The following ZMIZ1 variants were observed in gnomAD, a reference collection of about 807,000 sequenced individuals.
The protein encoded by ZMIZ1 is zinc finger MIZ-type containing 1, also known as zinc finger MIZ domain-containing protein 1.
Under a neutral mutation model 113.9 loss-of-function variants are expected in ZMIZ1, and 17 were observed. That is an observed-to-expected ratio of 0.15 (90% confidence interval 0.10 to 0.22). ZMIZ1 has a LOEUF of 0.22. Among genes scored for constraint, ZMIZ1 ranks in the 10% least tolerant of loss-of-function variants. The pLI is 1.00. For synonymous variants in ZMIZ1, 607 were observed against 603.1 expected (o/e 1.01, Z -0.09); for missense variants, 1,059 against 1,477.8 (o/e 0.72, Z 4.65).
At chr10:79,162,685 C>T (rs927177526) in intron 4 of ZMIZ1, among the ~76,000 whole-genome samples, 43 of 152,252 alleles carry the variant, frequency 2.8e-4, no homozygotes, top group African/African-American at 1.0e-3. Context: ...GTGCCTGCTC[C>T]ACTCTCGCAG....
intron 7 of ZMIZ1, 58 bp downstream of exon 7, chr10:79,216,332 A>G (rs761892120): frequency 6.8e-7 from 1 of 1,472,206 alleles, no homozygotes; most frequent in East Asian, 2.6e-5. Flanking sequence ...GGAACTGACT[A>G]TAAACCATGC....
intron 1 of ZMIZ1, among the ~76,000 whole-genome samples, chr10:79,076,264 T>C (rs562326477): frequency 1.3e-5 from 2 of 152,330 alleles, no homozygotes; most frequent in Admixed American, 1.3e-4. Context: ...GAAACATGTA[T>C]TGAGTGTGTG....
intron 1 of ZMIZ1, among the ~76,000 whole-genome samples, chr10:79,094,204 G>A (rs978182099): frequency 3.9e-5 from 6 of 152,294 alleles, no homozygotes; most frequent in African/African-American, 1.2e-4. Context: ...CGGCACAAGC[G>A]AGCCGGGTGA....
At chr10:79,088,034 A>G (rs1842868008) in intron 1 of ZMIZ1, among the ~76,000 whole-genome samples, 1 of 152,250 alleles carries the variant, frequency 6.6e-6, no homozygotes. Context: ...GTTGAATAAC[A>G]CATGGTGGCT....
chr10:79,197,501 G>GT (rs1847877673), intron 4 of ZMIZ1, among the ~76,000 whole-genome samples: 1 of 152,032 alleles, frequency 6.6e-6, no homozygotes, highest in Admixed American at 6.5e-5. Context: ...GTCTGTGTGG[G>GT]TAAACTCAGG....
At chr10:79,174,983 T>A (rs1355477322) in intron 4 of ZMIZ1, among the ~76,000 whole-genome samples, 1 of 152,208 alleles carries the variant, frequency 6.6e-6, no homozygotes, top group Non-Finnish European at 1.5e-5. Flanking sequence ...CCCAGGCCTC[T>A]CTCTGAGCGT....
chr10:79,305,403 C>A, intron 20 of ZMIZ1, 130 bp from the exon 21 acceptor site: 3 of 1,224,604 alleles, frequency 2.4e-6, no homozygotes, highest in African/African-American at 1.5e-5. Context: ...CGGTCAGAGT[C>A]CCCCTCTCTT....
At position 79,296,723 on chromosome 10, in the gene ZMIZ1, C is replaced by T. The variant is rs915013147; in HGVS notation, c.1413+70C>T. 32 of 1,426,804 alleles carry T rather than the reference C, an allele frequency of 2.2e-5. No homozygotes were observed. The highest frequency in any genetic ancestry group is 4.8e-5 in the Admixed American group (2 of 41,824). The allele number at this position is 1,426,804 out of a possible 1,614,324, so 88.4% of individuals were successfully genotyped here. A position where few individuals can be genotyped will look rare whatever the true frequency, so the allele number is the denominator to read the frequency against. ...AACCACCTCACTCCCCTAACTCCACCGGGATCACTCTGACCCTGCGTGTGT... is the reference window on the plus strand; with the variant it reads ...AACCACCTCACTCCCCTAACTCCACTGGGATCACTCTGACCCTGCGTGTGT... On this transcript the variant is annotated intron_variant, in intron 13 of 24. Coordinates refer to ENST00000334512, the MANE Select transcript of ZMIZ1 (RefSeq NM_020338.4). This position sits in a 1 kb window ranked among gnomAD's most constrained non-coding sequence, Gnocchi z 4.1.
At chr10:79,222,483 T>C (rs548218797) in intron 7 of ZMIZ1, among the ~76,000 whole-genome samples, 1 of 152,210 alleles carries the variant, frequency 6.6e-6, no homozygotes, top group East Asian at 1.9e-4. Flanking sequence ...GAGTCCTGGG[T>C]CCCATGCAGA....
At chr10:79,113,664 G>C (rs750430399) in intron 1 of ZMIZ1, among the ~76,000 whole-genome samples, 3 of 152,172 alleles carry the variant, frequency 2.0e-5, no homozygotes, top group Non-Finnish European at 2.9e-5. Flanking sequence ...TTTCTAGAAT[G>C]CCCTTTCCAA....
intron 7 of ZMIZ1, among the ~76,000 whole-genome samples, chr10:79,247,507 G>T (rs1381007757): frequency 1.3e-5 from 2 of 152,130 alleles, no homozygotes; most frequent in Non-Finnish European, 2.9e-5. Flanking sequence ...GGCTCAGGAA[G>T]TATGACCCTT....
intron 1 of ZMIZ1, among the ~76,000 whole-genome samples, chr10:79,079,989 G>A (rs911967943): frequency 1.3e-5 from 2 of 152,224 alleles, no homozygotes; most frequent in African/African-American, 2.4e-5. Flanking sequence ...CAGATTGCCC[G>A]GCTGGTGTAA....
At chr10:79,278,844 A>G (rs372828198) in intron 8 of ZMIZ1, among the ~76,000 whole-genome samples, 4,818 of 152,232 alleles carry the variant, frequency 0.032, 109 homozygotes, top group Middle Eastern at 0.054. Flanking sequence ...TTCTTTCTAC[A>G]CAGACACAGT....
intron 7 of ZMIZ1, among the ~76,000 whole-genome samples, chr10:79,264,012 C>G (rs1197709499): frequency 6.6e-6 from 1 of 152,228 alleles, no homozygotes; most frequent in Non-Finnish European, 1.5e-5. Context: ...CCTTCCATCT[C>G]CCTGAGAGCC....
intron 4 of ZMIZ1, among the ~76,000 whole-genome samples, chr10:79,173,718 TA>T (rs1176038323): frequency 6.6e-6 from 1 of 152,238 alleles, no homozygotes. Flanking sequence ...AATTAGCACT[TA>T]CCCCAGTCAT....
intron 4 of ZMIZ1, among the ~76,000 whole-genome samples, chr10:79,196,974 G>GCA (rs1324515086): frequency 1.3e-5 from 2 of 152,234 alleles, no homozygotes; most frequent in Non-Finnish European, 2.9e-5. Flanking sequence ...GGGCCTGGAA[G>GCA]CACACCTGGA....
At chr10:79,080,381 A>G (rs1364485244) in intron 1 of ZMIZ1, among the ~76,000 whole-genome samples, 1 of 138,336 alleles carries the variant, frequency 7.2e-6, no homozygotes, top group Non-Finnish European at 1.5e-5. Context: ...ATCTCGGCTC[A>G]CTGCAGCCTC....
chr10:79,230,072 G>A (rs771794416), intron 7 of ZMIZ1, among the ~76,000 whole-genome samples: 10 of 152,122 alleles, frequency 6.6e-5, no homozygotes, highest in South Asian at 4.1e-4. Context: ...GTGTGGGGAC[G>A]CTGCCCTCCT....
intron 9 of ZMIZ1, among the ~76,000 whole-genome samples, chr10:79,290,389 C>G (rs1169847218): frequency 6.6e-6 from 1 of 152,238 alleles, no homozygotes; most frequent in African/African-American, 2.4e-5. Context: ...TCCCACCTGT[C>G]TGACCTCTGC....
Sources: allele counts gnomAD v4.1 joint callset (sites outside exome capture counted in the v4.1 genomes callset), GRCh38; gene constraint gnomAD v4.1.1; non-coding constraint Gnocchi (gnomAD v3.1); transcripts MANE v1.5; gene names NCBI Gene and HGNC (gene_info 2026-07-23, HGNC 2026-07-21).